Variants in OLFML1 observed in about 807,000 individuals in gnomAD.
OLFML1 encodes the protein olfactomedin-like protein 1.
Under a neutral mutation model 37.3 loss-of-function variants are expected in OLFML1, and 33 were observed. The observed-to-expected ratio is 0.88, with a 90% CI of 0.67 to 1.18. The LOEUF (loss-of-function observed/expected upper bound fraction) is 1.18, where lower values mean the gene tolerates loss of function less well. Ranked by LOEUF, OLFML1 falls within the 50% of genes most tolerant of loss-of-function variation. The pLI, the probability that OLFML1 is intolerant of heterozygous loss-of-function variation, is 0.00. For missense variants in OLFML1, 545 were observed against 483.7 expected, an observed-to-expected ratio of 1.13 and a Z score of -1.19; for synonymous variants, 186 against 181.3, an observed-to-expected ratio of 1.03 and a Z score of -0.21.
chr11:7,507,414 T>C (rs942248599), intron 2 of OLFML1, among the ~76,000 whole-genome samples: 18 of 152,228 alleles, frequency 1.2e-4, no homozygotes, highest in African/African-American at 4.3e-4. Flanking sequence ...AGTATCTCTC[T>C]GTGGAATAAA....
chr11:7,510,646 T>C lies in OLFML1; in HGVS notation c.*458T>C. Reference sequence around the variant, plus strand: ...TATTCTCCCATTTTCACTGCCCAACTAAAATACTATTAATATTTCTTTCTT... The same window carrying C: ...TATTCTCCCATTTTCACTGCCCAACCAAAATACTATTAATATTTCTTTCTT... On this transcript the variant is annotated 3_prime_UTR_variant, in exon 3 of 3. Coordinates refer to ENST00000329293, the MANE Select transcript of OLFML1 (RefSeq NM_198474.4). 6.5e-6 allele frequency: 1 copy of C among 154,522 alleles called. No individual in the cohort carries two copies. The highest frequency in any genetic ancestry group is 1.4e-5 in the Non-Finnish European group (1 of 69,532). 9.6% of individuals were successfully genotyped at this position (154,522 alleles called of 1,614,324 possible).
At chr11:7,496,544 G>A (rs922107609) in intron 2 of OLFML1, among the ~76,000 whole-genome samples, 2 of 152,098 alleles carry the variant, frequency 1.3e-5, no homozygotes, top group African/African-American at 2.4e-5. Context: ...TGTTGAGAAA[G>A]GATAAAAAGA....
chr11:7,493,381 C>G (rs1848623019), intron 2 of OLFML1, among the ~76,000 whole-genome samples: 1 of 152,160 alleles, frequency 6.6e-6, no homozygotes, highest in African/African-American at 2.4e-5. Context: ...TATCTGTTTG[C>G]CAACTCTCAA....
At chr11:7,498,796 T>C (rs927950477) in intron 2 of OLFML1, among the ~76,000 whole-genome samples, 1 of 152,258 alleles carries the variant, frequency 6.6e-6, no homozygotes, top group Non-Finnish European at 1.5e-5. Context: ...TGCTATCTCA[T>C]GTACCCTATC....
intron 2 of OLFML1, among the ~76,000 whole-genome samples, chr11:7,491,501 A>T (rs1848597028): frequency 8.7e-6 from 1 of 115,072 alleles, no homozygotes; most frequent in South Asian, 2.7e-4. Context: ...AAACAATCAC[A>T]ACGGTGTGAT....
At position 7,509,686 on chromosome 11, in the gene OLFML1, T is replaced by A. The variant is rs769025241; in HGVS notation, c.707T>A (p.Ile236Lys). The A allele has an allele frequency of 1.2e-6, 2 of 1,614,202 alleles. No individual in the cohort carries two copies. The highest frequency in any genetic ancestry group is 1.7e-6 in the Non-Finnish European group (2 of 1,180,038). The change falls in exon 3 of 3, where the codon ATA becomes AAA. Residue 236 changes from isoleucine to lysine, a missense_variant. Transcript: ENST00000329293. Reference protein sequence around the residue: ...FFHNQATSNEIIKYNLQKRTV... With the variant: ...FFHNQATSNEKIKYNLQKRTV... ...CATAACCAAGCAACTTCTAATGAGA[T>A]AATCAAATATAACCTGCAGAAGAGG...
Position 7,488,423 on chromosome 11 carries a change from A to T in OLFML1, c.418+8A>T. ...GGACTCTGCTGAATGCAAGTAAGAA[A>T]ACTGCATCTTTTCCTAGCCCTTCTA... On this transcript the variant is annotated splice_region_variant and intron_variant, in intron 2 of 2. Transcript: ENST00000329293. 1 of 1,605,440 alleles carries T rather than the reference A, an allele frequency of 6.2e-7. No individual in the cohort carries two copies. Among genetic ancestry groups the T allele is most frequent in the Non-Finnish European group, 8.5e-7 (1 of 1,175,546 alleles).
chr11:7,490,443 G>T (rs866321706), intron 2 of OLFML1, among the ~76,000 whole-genome samples: 1 of 152,302 alleles, frequency 6.6e-6, no homozygotes, highest in Middle Eastern at 3.4e-3. Flanking sequence ...CGCTAAGTCT[G>T]AATAGTGGTG....
chr11:7,497,885 T>C (rs1590060520), intron 2 of OLFML1, among the ~76,000 whole-genome samples: 2 of 152,356 alleles, frequency 1.3e-5, no homozygotes, highest in Non-Finnish European at 1.5e-5. Context: ...CCTTCTGCAA[T>C]GCCAAATTGC....
intron 2 of OLFML1, among the ~76,000 whole-genome samples, chr11:7,493,811 T>G (rs1848630637): frequency 6.6e-6 from 1 of 152,238 alleles, no homozygotes; most frequent in Non-Finnish European, 1.5e-5. Flanking sequence ...TTGCTATAAC[T>G]TATTTATTTA....
intron 1 of OLFML1, among the ~76,000 whole-genome samples, chr11:7,486,815 ATCT>A (rs1238536076): frequency 5.3e-5 from 8 of 152,222 alleles, no homozygotes; most frequent in Non-Finnish European, 8.8e-5. Context: ...TTCCTGAAAA[ATCT>A]TCATGTCCAA....
chr11:7,489,635 T>A (rs567052684), intron 2 of OLFML1, among the ~76,000 whole-genome samples: 1 of 152,114 alleles, frequency 6.6e-6, no homozygotes, highest in Admixed American at 6.6e-5. Flanking sequence ...CTGCAATGAT[T>A]TGGGCAACAA....
At chr11:7,495,103 T>C (rs1468007330) in intron 2 of OLFML1, among the ~76,000 whole-genome samples, 1 of 152,162 alleles carries the variant, frequency 6.6e-6, no homozygotes, top group Non-Finnish European at 1.5e-5. Context: ...GGTCACTATA[T>C]CCAGTAGATT....
intron 2 of OLFML1, among the ~76,000 whole-genome samples, chr11:7,504,264 A>G (rs893791965): frequency 6.6e-6 from 1 of 152,154 alleles, no homozygotes; most frequent in Admixed American, 6.5e-5. Context: ...GTTTGGTACA[A>G]TCTGAGAAAT....
At chr11:7,493,340 C>A (rs1848622435) in intron 2 of OLFML1, among the ~76,000 whole-genome samples, 1 of 152,182 alleles carries the variant, frequency 6.6e-6, no homozygotes, top group Non-Finnish European at 1.5e-5. Context: ...GACAACTAAA[C>A]AAAAATCCCC....
intron 2 of OLFML1, among the ~76,000 whole-genome samples, chr11:7,496,891 A>G (rs1848668588): frequency 6.6e-6 from 1 of 152,264 alleles, no homozygotes; most frequent in Middle Eastern, 3.4e-3. Context: ...CATCTCTATA[A>G]AACATAAAAA....
chr11:7,490,132 T>TCGGGGG (rs779756044), intron 2 of OLFML1, among the ~76,000 whole-genome samples: 28 of 37,980 alleles, frequency 7.4e-4, no homozygotes, highest in African/African-American at 2.2e-3. Context: ...TAGGCTTTGG[T>TCGGGGG]GGGGGGGGGG....
chr11:7,505,487 T>C (rs1264521914), intron 2 of OLFML1, among the ~76,000 whole-genome samples: 1 of 152,152 alleles, frequency 6.6e-6, no homozygotes, highest in African/African-American at 2.4e-5. Flanking sequence ...CCTGCTTCCA[T>C]GACACTACTC....
At position 7,488,237 on chromosome 11, in the gene OLFML1, G is replaced by C; in HGVS notation, c.240G>C (p.Glu80Asp). ...MLGRCQTYTS[E>D]YKSAVGNLAL... ...GAAGATGTCAGACCTACACAAGTGA[G>C]TACAAGAGTGCAGTGGGTAACTTGG... Residue 80 changes from glutamate (E) to aspartate (D), a missense_variant, in exon 2 of 3, where the codon GAG becomes GAC. Coordinates refer to ENST00000329293, the MANE Select transcript of OLFML1 (RefSeq NM_198474.4). 8.1e-6 allele frequency: 13 copies of C among 1,614,046 alleles called. No homozygotes were observed. The highest frequency in any genetic ancestry group is 1.1e-5 in the Non-Finnish European group (13 of 1,179,978).
Sources: gnomAD v4.1 joint callset for allele counts (sites outside exome capture counted in the v4.1 genomes callset) on GRCh38, gnomAD v4.1.1 for gene constraint, MANE v1.5 for transcripts, NCBI Gene and HGNC (gene_info 2026-07-23, HGNC 2026-07-21) for gene names.